The following TMEM163 variants were observed in gnomAD, a reference collection of about 807,000 sequenced individuals.
TMEM163 encodes the protein transmembrane protein 163.
Under a neutral mutation model 29.3 loss-of-function variants are expected in TMEM163, and 17 were observed. The ratio of observed to expected loss-of-function variants is 0.58; its 90% CI spans 0.40 to 0.87. The LOEUF (loss-of-function observed/expected upper bound fraction) is 0.87. TMEM163 is among the 40% of genes least tolerant of loss of function. The pLI, the probability that TMEM163 is intolerant of heterozygous loss-of-function variation, is 0.00. For synonymous variants in TMEM163, 157 were observed against 160.6 expected (o/e 0.98, Z 0.17); for missense variants, 303 against 381.5 (o/e 0.79, Z 1.71).
At chr2:134,579,925 C>T (rs1035642427) in intron 2 of TMEM163, among the ~76,000 whole-genome samples, 21 of 152,048 alleles carry the variant, frequency 1.4e-4, no homozygotes, top group Non-Finnish European at 1.3e-4. Flanking sequence ...CATGAAGGAC[C>T]TCACATGATA....
intron 4 of TMEM163, among the ~76,000 whole-genome samples, chr2:134,516,038 G>A (rs1027487926): frequency 1.3e-5 from 2 of 152,170 alleles, no homozygotes; most frequent in Non-Finnish European, 1.5e-5. Flanking sequence ...GGGCTCAGGT[G>A]TGCAAGGTGC....
chr2:134,712,792 T>C (rs1164030924), intron 2 of TMEM163, among the ~76,000 whole-genome samples: 4 of 152,212 alleles, frequency 2.6e-5, no homozygotes, highest in African/African-American at 4.8e-5. Flanking sequence ...TACACAGATA[T>C]GATCAGGGAA....
intron 2 of TMEM163, among the ~76,000 whole-genome samples, chr2:134,564,582 T>G (rs1681255024): frequency 1.3e-5 from 2 of 152,192 alleles, no homozygotes; most frequent in Admixed American, 6.5e-5. Context: ...GCCATCGAGT[T>G]TATTGAGAAG....
In TMEM163 at chr2:134,472,340, A is replaced by C. The variant is rs76019001; in HGVS notation, c.556-6115T>G. Among the ~76,000 whole-genome samples the C allele has an allele frequency of 1.8e-4, 28 of 152,374 alleles. No individual in the cohort carries two copies. In the East Asian group the frequency reaches 5.0e-3, roughly 27 times the overall value. On this transcript the variant is annotated intron_variant, in intron 5 of 7. Coordinates refer to ENST00000281924, the MANE Select transcript of TMEM163 (RefSeq NM_030923.5). ...CAACAAAGAGAAAATGGACAAAGAT[A>C]TATGTGAGAGACAGTTAAAAATAAC...
At chr2:134,577,667 A>C (rs1202865303) in intron 2 of TMEM163, among the ~76,000 whole-genome samples, 1 of 152,064 alleles carries the variant, frequency 6.6e-6, no homozygotes, top group Non-Finnish European at 1.5e-5. Context: ...GGTACTTCAG[A>C]CACACCTATC....
At chr2:134,505,261 T>TTTC (rs1574187004) in intron 4 of TMEM163, among the ~76,000 whole-genome samples, 3 of 139,594 alleles carry the variant, frequency 2.1e-5, no homozygotes, top group African/African-American at 8.3e-5. Flanking sequence ...TTTTTTTTTT[T>TTTC]AAAGTTTCCT....
At chr2:134,599,035 AAG>A (rs1682164289) in intron 2 of TMEM163, among the ~76,000 whole-genome samples, 1 of 132,150 alleles carries the variant, frequency 7.6e-6, no homozygotes. Context: ...AAAAAAAAAA[AAG>A]GACTTCACAC....
At chr2:134,470,919 C>A (rs116152208) in intron 5 of TMEM163, among the ~76,000 whole-genome samples, 99 of 152,356 alleles carry the variant, frequency 6.5e-4, no homozygotes, top group African/African-American at 2.3e-3. Context: ...TGCCTGGAAT[C>A]CCAGTGCTTT....
At chr2:134,474,790 T>C (rs1460812292) in intron 5 of TMEM163, among the ~76,000 whole-genome samples, 1 of 152,176 alleles carries the variant, frequency 6.6e-6, no homozygotes, top group Non-Finnish European at 1.5e-5. Flanking sequence ...TACTCAGTGA[T>C]AAATTTTACA....
In TMEM163 at chr2:134,628,751, G is replaced by T. The variant is rs560464077; in HGVS notation, c.323-76660C>A. On this transcript the variant is annotated intron_variant, in intron 2 of 7. Transcript: ENST00000281924. ...GACCTCACCCCATGTGCCATGTGCC[G>T]TCTCCCTTTGCTGATTTTAATTTGT... Among the ~76,000 whole-genome samples, 41 of 152,296 alleles carry T rather than the reference G, an allele frequency of 2.7e-4. 1 individual carries two copies. The highest frequency in any genetic ancestry group is 3.4e-3 in the Middle Eastern group (1 of 294).
chr2:134,502,523 A>C (rs1349676834), intron 5 of TMEM163, among the ~76,000 whole-genome samples: 1 of 152,240 alleles, frequency 6.6e-6, no homozygotes, highest in Non-Finnish European at 1.5e-5. Context: ...CAAAGGAAAA[A>C]AATAATTCTT....
At chr2:134,537,463 A>G (rs1004511292) in intron 4 of TMEM163, among the ~76,000 whole-genome samples, 1 of 152,088 alleles carries the variant, frequency 6.6e-6, no homozygotes, top group Admixed American at 6.5e-5. Flanking sequence ...TCTTCTCATC[A>G]TGGCACTAAT....
intron 5 of TMEM163, among the ~76,000 whole-genome samples, chr2:134,482,836 G>A (rs1679224249): frequency 6.6e-6 from 1 of 152,174 alleles, no homozygotes; most frequent in African/African-American, 2.4e-5. Context: ...TTGATGTTTA[G>A]ACAAGCAGGT....
intron 2 of TMEM163, among the ~76,000 whole-genome samples, chr2:134,656,231 T>C (rs1170029661): frequency 6.7e-6 from 1 of 149,380 alleles, no homozygotes; most frequent in Admixed American, 6.6e-5. Flanking sequence ...CCGAGCCAGG[T>C]GTGGGATATA....
chr2:134,508,262 T>G (rs1679870978), intron 4 of TMEM163, among the ~76,000 whole-genome samples: 1 of 152,198 alleles, frequency 6.6e-6, no homozygotes, highest in Non-Finnish European at 1.5e-5. Flanking sequence ...TTACGATAGA[T>G]CTAAACATAA....
chr2:134,481,200 C>G (rs901870983), intron 5 of TMEM163, among the ~76,000 whole-genome samples: 2 of 152,106 alleles, frequency 1.3e-5, no homozygotes, highest in Admixed American at 6.5e-5. Context: ...GAGTCTTACT[C>G]TAGCTATTTG....
chr2:134,525,487 A>T lies in TMEM163; in HGVS notation c.459-22490T>A, dbSNP rs540909563. ...TTAAAGAAGCCCCCATTTTGCAGGA[A>T]TTCAACTACAAAATCAATCGCTGGG... On this transcript the variant is annotated intron_variant, in intron 4 of 7. Transcript: ENST00000281924. 1.3e-3 allele frequency among the ~76,000 whole-genome samples: 200 copies of T among 152,328 alleles called. 1 individual carries two copies. Among genetic ancestry groups the T allele is most frequent in the Non-Finnish European group, 2.1e-3 (144 of 68,030 alleles).
At chr2:134,535,732 TG>T (rs1258163358) in intron 4 of TMEM163, among the ~76,000 whole-genome samples, 7 of 151,798 alleles carry the variant, frequency 4.6e-5, no homozygotes, top group African/African-American at 1.7e-4. Flanking sequence ...TTTTTTTGTT[TG>T]TTTGTTTTTT....
chr2:134,692,800 C>A (rs994639848), intron 2 of TMEM163, among the ~76,000 whole-genome samples: 1 of 152,190 alleles, frequency 6.6e-6, no homozygotes. Context: ...CCTCCAAATA[C>A]CATCACACTG....
Sources: gnomAD v4.1 joint callset for allele counts (sites outside exome capture counted in the v4.1 genomes callset) on GRCh38, gnomAD v4.1.1 for gene constraint, MANE v1.5 for transcripts, NCBI Gene and HGNC (gene_info 2026-07-23, HGNC 2026-07-21) for gene names.